MLIP: variants seen among roughly 807,000 people sequenced by gnomAD.
MLIP encodes the protein muscular LMNA-interacting protein.
Under a neutral mutation model 84.8 loss-of-function variants are expected in MLIP, and 79 were observed. The observed-to-expected ratio is 0.93, with a 90% confidence interval of 0.78 to 1.12. The LOEUF (loss-of-function observed/expected upper bound fraction) is 1.12. MLIP is among the 50% of genes most tolerant of loss of function. The probability of loss-of-function intolerance (pLI) is 0.00; values close to 1 mark genes in which losing one functional copy is unlikely to be tolerated. For missense variants in MLIP, 1,257 were observed against 1,160.6 expected (o/e 1.08, Z -1.21); for synonymous variants, 504 against 463.0 (o/e 1.09, Z -1.14).
chr6:54,264,805 T>C lies in MLIP; in HGVS notation c.2977-1145T>C, dbSNP rs540002302. Among the ~76,000 whole-genome samples the C allele has an allele frequency of 5.3e-5, 8 of 152,238 alleles. 1 individual carries two copies. Among genetic ancestry groups the C allele is most frequent in the Admixed American group, 4.6e-4 (7 of 15,266 alleles). Reference sequence around the variant, plus strand: ...GATGATGAAAGCTACAGCTTACTTCTTACTTTTTGCCTGTTGATTTTCTAT... The same window carrying C: ...GATGATGAAAGCTACAGCTTACTTCCTACTTTTTGCCTGTTGATTTTCTAT... On this transcript the variant is annotated intron_variant, in intron 13 of 13. Transcript: ENST00000502396.
At chr6:54,070,568 T>C (rs1056712846) in intron 1 of MLIP, among the ~76,000 whole-genome samples, 1 of 152,184 alleles carries the variant, frequency 6.6e-6, no homozygotes, top group Non-Finnish European at 1.5e-5. Context: ...TTGTGGAAAC[T>C]TTTTCACAGG....
intron 10 of MLIP, among the ~76,000 whole-genome samples, chr6:54,191,699 T>G (rs1033055554): frequency 5.9e-5 from 9 of 151,952 alleles, no homozygotes; most frequent in African/African-American, 1.7e-4. Context: ...GTTGAAGGAG[T>G]TGCCATGGAA....
At chr6:54,189,690 T>C (rs1169470069) in intron 9 of MLIP, among the ~76,000 whole-genome samples, 180 bp from the exon 10 acceptor site, 2 of 152,188 alleles carry the variant, frequency 1.3e-5, no homozygotes, top group Non-Finnish European at 2.9e-5. Flanking sequence ...TTTATGGCTA[T>C]GTACCAAAAA....
At chr6:54,112,568 TC>T in intron 1 of MLIP, among the ~76,000 whole-genome samples, 1 of 152,292 alleles carries the variant, frequency 6.6e-6, no homozygotes. Flanking sequence ...CTTGTTATTC[TC>T]CAACAGTAAC....
At chr6:54,238,159 A>G (rs1013754887) in intron 12 of MLIP, among the ~76,000 whole-genome samples, 2 of 152,166 alleles carry the variant, frequency 1.3e-5, no homozygotes, top group Non-Finnish European at 2.9e-5. Flanking sequence ...AATTCAGCTC[A>G]TTTAGAAAAA....
chr6:54,146,429 A>C (rs1156830825), intron 4 of MLIP, among the ~76,000 whole-genome samples: 1 of 152,206 alleles, frequency 6.6e-6, no homozygotes, highest in African/African-American at 2.4e-5. Flanking sequence ...TCTTCACTTG[A>C]GTATCAGGGA....
At chr6:54,163,000 G>A (rs1336024084) in intron 8 of MLIP, among the ~76,000 whole-genome samples, 1 of 151,958 alleles carries the variant, frequency 6.6e-6, no homozygotes, top group East Asian at 1.9e-4. Flanking sequence ...ATATAATTGT[G>A]TTGATTGCGG....
intron 1 of MLIP, among the ~76,000 whole-genome samples, chr6:54,100,924 C>T (rs1768599865): frequency 6.6e-6 from 1 of 152,124 alleles, no homozygotes; most frequent in Admixed American, 6.6e-5. Context: ...ATAATAAAAT[C>T]AAGAGAAAAG....
intron 1 of MLIP, among the ~76,000 whole-genome samples, chr6:54,032,197 C>A (rs1442699786): frequency 6.6e-6 from 1 of 151,946 alleles, no homozygotes; most frequent in Non-Finnish European, 1.5e-5. Context: ...ATTTACAATT[C>A]CCTTGTGAAA....
chr6:54,100,498 C>T (rs1359727293), intron 1 of MLIP, among the ~76,000 whole-genome samples: 1 of 151,988 alleles, frequency 6.6e-6, no homozygotes, highest in Non-Finnish European at 1.5e-5. Context: ...CTTAATATCT[C>T]ACCTTTGAAA....
intron 11 of MLIP, among the ~76,000 whole-genome samples, chr6:54,214,578 C>T (rs1395327501): frequency 6.6e-6 from 1 of 152,160 alleles, no homozygotes. Context: ...TAATTATGTT[C>T]TTTTCCAGAG....
intron 1 of MLIP, among the ~76,000 whole-genome samples, chr6:54,117,960 A>G (rs28847288): frequency 0.066 from 9,131 of 138,974 alleles, 429 homozygotes; most frequent in East Asian, 0.22. Flanking sequence ...AACAACAACA[A>G]CAACAACAGC....
At chr6:54,044,622 C>T (rs1489490806) in intron 1 of MLIP, among the ~76,000 whole-genome samples, 1 of 151,234 alleles carries the variant, frequency 6.6e-6, no homozygotes, top group African/African-American at 2.4e-5. Flanking sequence ...CAATCTATTC[C>T]AGCCGTGGTA....
At chr6:54,163,246 T>C (rs1031738045) in intron 8 of MLIP, among the ~76,000 whole-genome samples, 1 of 151,960 alleles carries the variant, frequency 6.6e-6, no homozygotes, top group Non-Finnish European at 1.5e-5. Context: ...CTTTTACTGC[T>C]ACTTTCCTTT....
chr6:54,130,022 C>A (rs138362400), intron 3 of MLIP, among the ~76,000 whole-genome samples: 1 of 152,172 alleles, frequency 6.6e-6, no homozygotes, highest in Non-Finnish European at 1.5e-5. Flanking sequence ...CTCTCCATTT[C>A]GTTTCGTGCT....
At position 54,138,190 on chromosome 6, in the gene MLIP, A is replaced by C; in HGVS notation, c.2121A>C (p.Ser707=). ...STTPNHRSPV[S]TPSLPISLTR... ...CCCCCAACCACAGGTCACCTGTTTC[A>C]ACCCCATCACTTCCCATATCTCTAA... Residue 707 remains serine (S), a synonymous_variant, in exon 4 of 14, where the codon TCA becomes TCC. Coordinates refer to ENST00000502396, the MANE Select transcript of MLIP (RefSeq NM_001281747.2). 1 of 1,536,126 alleles carries C rather than the reference A, an allele frequency of 6.5e-7. No individual in the cohort carries two copies. Among genetic ancestry groups the C allele is most frequent in the Non-Finnish European group, 8.7e-7 (1 of 1,146,896 alleles).
intron 1 of MLIP, among the ~76,000 whole-genome samples, chr6:54,103,268 A>T (rs955804130): frequency 6.6e-6 from 1 of 152,172 alleles, no homozygotes. Flanking sequence ...CTAAAATAAC[A>T]TATGTCATGC....
chr6:54,078,770 C>T (rs763797481), intron 1 of MLIP, among the ~76,000 whole-genome samples: 2 of 146,384 alleles, frequency 1.4e-5, no homozygotes, highest in Non-Finnish European at 3.0e-5. Context: ...CAGCTCACTG[C>T]AACCTCTGTC....
intron 1 of MLIP, among the ~76,000 whole-genome samples, chr6:54,022,216 A>G (rs939285517): frequency 1.1e-4 from 17 of 152,220 alleles, no homozygotes; most frequent in African/African-American, 3.9e-4. Context: ...TGCACTATAC[A>G]ACACATTTCC....
Sources: allele counts gnomAD v4.1 joint callset (sites outside exome capture counted in the v4.1 genomes callset), GRCh38; gene constraint gnomAD v4.1.1; transcripts MANE v1.5; gene names NCBI Gene and HGNC (gene_info 2026-07-23, HGNC 2026-07-21).